Variants in PF4V1 observed in about 807,000 individuals in gnomAD.
PF4V1 encodes platelet factor 4 variant.
Under a neutral mutation model 6.9 loss-of-function variants are expected in PF4V1, and 4 were observed. The observed-to-expected ratio is 0.58, with a 90% CI of 0.29 to 1.34. PF4V1 has a LOEUF of 1.34. Among genes scored for constraint, PF4V1 ranks in the 40% most tolerant of loss-of-function variants. PF4V1 has a pLI of 0.09. For synonymous variants in PF4V1, 68 were observed against 55.9 expected, an observed-to-expected ratio of 1.22 and a Z score of -0.97; for missense variants, 127 against 128.6, an observed-to-expected ratio of 0.99 and a Z score of 0.06.
At chr4:73,853,562 GC>G in intron 1 of PF4V1, 100 bp downstream of exon 1, 1 of 1,416,426 alleles carries the variant, frequency 7.1e-7, no homozygotes, top group East Asian at 2.5e-5. Flanking sequence ...GATCGCAGCT[GC>G]TCTTATTGCG....
chr4:73,854,073 T>A lies in PF4V1; in HGVS notation c.266T>A (p.Leu89Gln), dbSNP rs1393967797. ...AATGGGAGGAAAATTTGCTTGGATC[T>A]GCAAGCCCTGCTGTACAAGAAAATC... is the stretch of plus-strand genomic sequence containing the variant. ...LKNGRKICLD[L>Q]QALLYKKIIK... Residue 89 changes from leucine (L) to glutamine (Q), a missense_variant, in exon 3 of 3, where the codon CTG becomes CAG. Coordinates refer to ENST00000226524, the MANE Select transcript of PF4V1 (RefSeq NM_002620.4). 6.2e-7 allele frequency: 1 copy of A among 1,614,106 alleles called. No homozygotes were observed. Among genetic ancestry groups the A allele is most frequent in the Non-Finnish European group, 8.5e-7 (1 of 1,180,032 alleles).
chr4:73,853,485 G>C (rs1481419295), intron 1 of PF4V1, 23 bp downstream of exon 1: 2 of 1,588,368 alleles, frequency 1.3e-6, no homozygotes, highest in South Asian at 2.3e-5. Flanking sequence ...ACCAGGCTGG[G>C]AGGGCCAGCA....
chr4:73,853,968 TC>T, intron 2 of PF4V1, 59 bp downstream of exon 2: 1 of 1,606,134 alleles, frequency 6.2e-7, no homozygotes, highest in Non-Finnish European at 8.5e-7. Context: ...TGCCCATCCC[TC>T]CCCCTTCTAA....
At chr4:73,853,718 T>C in intron 1 of PF4V1, 65 bp from the exon 2 acceptor site, 2 of 1,541,144 alleles carry the variant, frequency 1.3e-6, no homozygotes, top group Non-Finnish European at 1.8e-6. Flanking sequence ...AAAGTATCTC[T>C]GGCTACTCAG....
In PF4V1 at chr4:73,853,808, G is replaced by A; in HGVS notation, c.126G>A (p.Leu42=). Residue 42 remains leucine, a synonymous_variant, in exon 2 of 3, where the codon CTG becomes CTA. Coordinates refer to ENST00000226524, the MANE Select transcript of PF4V1 (RefSeq NM_002620.4). ...CTGAAGCTGAAGAAGATGGGGACCT[G>A]CAGTGCCTGTGTGTGAAGACCACCT... is the stretch of plus-strand genomic sequence containing the variant. ...ARAEAEEDGD[L]QCLCVKTTSQ... The A allele has an allele frequency of 6.2e-7, 1 of 1,612,566 alleles. No individual in the cohort carries two copies. Among genetic ancestry groups the A allele is most frequent in the Non-Finnish European group, 8.5e-7 (1 of 1,179,328 alleles).
rs903863930 is a variant in PF4V1, at chr4:73,853,797, G to A, written c.115G>A (p.Asp39Asn). Residue 39 changes from aspartate to asparagine, a missense_variant, in exon 2 of 3, where the codon GAT becomes AAT. Transcript: ENST00000226524. ...TTCCCCCTCAGCTGAAGCTGAAGAAGATGGGGACCTGCAGTGCCTGTGTGT... is the reference window on the plus strand; with the variant it reads ...TTCCCCCTCAGCTGAAGCTGAAGAAAATGGGGACCTGCAGTGCCTGTGTGT... ...VAFARAEAEE[D>N]GDLQCLCVKT... 3 of 1,611,706 alleles carry A rather than the reference G, an allele frequency of 1.9e-6. No individual in the cohort carries two copies. The highest frequency in any genetic ancestry group is 2.5e-6 in the Non-Finnish European group (3 of 1,178,908).
In PF4V1 at chr4:73,854,040, C is replaced by A. The variant is rs1194591744; in HGVS notation, c.233C>A (p.Thr78Lys). The A allele has an allele frequency of 1.2e-6, 2 of 1,614,072 alleles. No individual in the cohort carries two copies. The highest frequency in any genetic ancestry group is 2.2e-5 in the South Asian group (2 of 91,090). The change falls in exon 3 of 3, where the codon ACG (threonine) becomes AAG (lysine). Residue 78 changes from threonine (T) to lysine (K), a missense_variant. Physicochemically the swap from Thr to Lys is moderately conservative, Grantham distance 78. Transcript: ENST00000226524. ...TCTTCTCTTTTCCCTGCCAGAGCCACGCTGAAGAATGGGAGGAAAATTTGC... is the reference window on the plus strand; with the variant it reads ...TCTTCTCTTTTCCCTGCCAGAGCCAAGCTGAAGAATGGGAGGAAAATTTGC... ...PHCPTAQLIA[T>K]LKNGRKICLD...
In PF4V1 at chr4:73,853,298, T is replaced by A. The variant is rs1043694904; in HGVS notation, c.-65T>A. On this transcript the variant is annotated 5_prime_UTR_variant, in exon 1 of 3. Coordinates refer to ENST00000226524, the MANE Select transcript of PF4V1 (RefSeq NM_002620.4). The stretch of plus-strand genomic sequence containing the variant: ...GAAGCCTGGTGAGGCCAGGAGTCAC[T>A]GCCTGCAGAACCCCAGCCCGACTTT... 4.6e-6 allele frequency: 6 copies of A among 1,295,170 alleles called. No individual in the cohort carries two copies. The Admixed American group carries it at 1.0e-4, about 22-fold the overall frequency. The allele number at this position is 1,295,170 out of a possible 1,614,324, so 80.2% of individuals were successfully genotyped here.
Position 73,853,878 on chromosome 4 carries a change from G to T in PF4V1, c.196G>T (p.Ala66Ser), listed in dbSNP as rs2109762296. ...RHITSLEVIK[A>S]GPHCPTAQLI... Reference sequence around the variant, plus strand: ...CATCACCAGCCTGGAGGTGATCAAGGCCGGACCCCACTGCCCCACTGCCCA... The same window carrying T: ...CATCACCAGCCTGGAGGTGATCAAGTCCGGACCCCACTGCCCCACTGCCCA... The change falls in exon 2 of 3, where the codon GCC (alanine) becomes TCC (serine). Residue 66 changes from alanine (A) to serine (S), a missense_variant. Physicochemically the swap from Ala to Ser is moderately conservative, Grantham distance 99. Transcript: ENST00000226524. The T allele has an allele frequency of 6.2e-7, 1 of 1,612,278 alleles. No individual in the cohort carries two copies. Among genetic ancestry groups the T allele is most frequent in the Non-Finnish European group, 8.5e-7 (1 of 1,179,556 alleles).
chr4:73,854,192 CTTATA>C lies in PF4V1; in HGVS notation c.*79_*83del, dbSNP rs1240994936. The C allele has an allele frequency of 2.2e-5, 24 of 1,072,804 alleles. No homozygotes were observed. Among genetic ancestry groups the C allele is most frequent in the Admixed American group, 6.5e-5 (3 of 46,066 alleles). The allele number at this position is 1,072,804 out of a possible 1,614,324, so 66.5% of individuals were successfully genotyped here. A position where few individuals can be genotyped will look rare whatever the true frequency, so the allele number is the denominator to read the frequency against. ...ATCTTCTGATGTTTGTATTATCCTTCTTATATTATATTAACGAAATAAATCAAGTT... is the reference window on the plus strand; with the variant it reads ...ATCTTCTGATGTTTGTATTATCCTTCTTATATTAACGAAATAAATCAAGTT... On this transcript the variant is annotated 3_prime_UTR_variant, in exon 3 of 3. Transcript: ENST00000226524.
intron 1 of PF4V1, 61 bp downstream of exon 1, chr4:73,853,523 G>A: frequency 6.5e-7 from 1 of 1,530,244 alleles, no homozygotes; most frequent in Non-Finnish European, 8.9e-7. Flanking sequence ...GGGAAGCCCT[G>A]GGGCTGGGGA....
At chr4:73,853,937 G>T (rs1731486298) in intron 2 of PF4V1, 28 bp downstream of exon 2, 1 of 1,601,370 alleles carries the variant, frequency 6.2e-7, no homozygotes, top group Non-Finnish European at 8.5e-7. Context: ...ATCAGTTAGT[G>T]CTCCCGCTCC....
chr4:73,853,667 G>C, intron 1 of PF4V1, 116 bp from the exon 2 acceptor site: 1 of 1,414,358 alleles, frequency 7.1e-7, no homozygotes, highest in South Asian at 1.4e-5. Flanking sequence ...TCTGATTTAC[G>C]GCTAAGGAAA....
intron 1 of PF4V1, 144 bp from the exon 2 acceptor site, chr4:73,853,639 A>G (rs1731476231): frequency 1.5e-6 from 2 of 1,321,358 alleles, no homozygotes; most frequent in Admixed American, 2.2e-5. Context: ...GATCAGCACA[A>G]CCTCTGTCTG....
In PF4V1 at chr4:73,853,821, G is replaced by A; in HGVS notation, c.139G>A (p.Val47Met). The A allele has an allele frequency of 6.2e-7, 1 of 1,613,264 alleles. No individual in the cohort carries two copies. Among genetic ancestry groups the A allele is most frequent in the South Asian group, 1.1e-5 (1 of 90,976 alleles). The change falls in exon 2 of 3, where the codon GTG becomes ATG. Residue 47 changes from valine (V) to methionine (M), a missense_variant. Val to Met is a conservative substitution (Grantham distance 21). Transcript: ENST00000226524. ...AGATGGGGACCTGCAGTGCCTGTGTGTGAAGACCACCTCCCAGGTCCGTCC... is the reference window on the plus strand; with the variant it reads ...AGATGGGGACCTGCAGTGCCTGTGTATGAAGACCACCTCCCAGGTCCGTCC... ...EEDGDLQCLC[V>M]KTTSQVRPRH...
chr4:73,853,722 T>C (rs1411530447), intron 1 of PF4V1, 61 bp from the exon 2 acceptor site: 1 of 1,547,664 alleles, frequency 6.5e-7, no homozygotes, highest in East Asian at 2.4e-5. Context: ...TATCTCTGGC[T>C]ACTCAGGGAG....
At position 73,853,410 on chromosome 4, in the gene PF4V1, G is replaced by A. The variant is rs1410149238; in HGVS notation, c.48G>A (p.Glu16=). ...RSRLTRATRQ[E]MLFLALLLLP... The stretch of plus-strand genomic sequence containing the variant: ...GCCTCACCCGCGCCACCCGCCAGGA[G>A]ATGCTGTTCTTGGCGTTGCTGCTCC... The change falls in exon 1 of 3, where the codon GAG becomes GAA. Residue 16 remains glutamate, a synonymous_variant. Transcript: ENST00000226524. The A allele has an allele frequency of 6.2e-7, 1 of 1,614,196 alleles. No homozygotes were observed. Among genetic ancestry groups the A allele is most frequent in the Admixed American group, 1.7e-5 (1 of 60,032 alleles).
intron 1 of PF4V1, 150 bp downstream of exon 1, chr4:73,853,612 C>A (rs1188196709): frequency 7.9e-7 from 1 of 1,267,246 alleles, no homozygotes; most frequent in Non-Finnish European, 1.1e-6. Context: ...AGGCACTGCA[C>A]GTGCACCTCG....
Position 73,854,221 on chromosome 4 carries a change from T to C in PF4V1, c.*99T>C, listed in dbSNP as rs1731493737. On this transcript the variant is annotated 3_prime_UTR_variant, in exon 3 of 3. Coordinates refer to ENST00000226524, the MANE Select transcript of PF4V1 (RefSeq NM_002620.4). ...TATTATATTAACGAAATAAATCAAGTTGTGGTATAGTCAATCTATTTCTTA... is the reference window on the plus strand; with the variant it reads ...TATTATATTAACGAAATAAATCAAGCTGTGGTATAGTCAATCTATTTCTTA... 2.5e-6 allele frequency: 2 copies of C among 787,508 alleles called. No homozygotes were observed. Among genetic ancestry groups the C allele is most frequent in the Non-Finnish European group, 2.0e-6 (1 of 496,760 alleles). The allele number at this position is 787,508 out of a possible 1,614,324, so 48.8% of individuals were successfully genotyped here.
Sources: gnomAD v4.1 joint callset for allele counts on GRCh38, gnomAD v4.1.1 for gene constraint, MANE v1.5 for transcripts, NCBI Gene and HGNC (gene_info 2026-07-23, HGNC 2026-07-21) for gene names.